The following OTUD7A variants were observed in gnomAD, a reference collection of about 807,000 sequenced individuals.
OTUD7A encodes OTU domain-containing protein 7A.
OTUD7A carries 12 observed loss-of-function variants against 65.7 expected under a neutral mutation model. The observed-to-expected ratio is 0.18, with a 90% CI of 0.12 to 0.30. OTUD7A has a LOEUF of 0.30. Ranked by LOEUF, OTUD7A falls within the 10% of genes least tolerant of loss-of-function variation. The probability of loss-of-function intolerance (pLI) is 1.00; values close to 1 mark genes in which losing one functional copy is unlikely to be tolerated. For missense variants in OTUD7A, 1,148 were observed against 1,304.8 expected (o/e 0.88, Z 1.85); for synonymous variants, 641 against 586.3 (o/e 1.09, Z -1.35).
chr15:31,667,160 T>C (rs1222856059), intron 1 of OTUD7A, among the ~76,000 whole-genome samples: 3 of 152,224 alleles, frequency 2.0e-5, no homozygotes, highest in Middle Eastern at 3.2e-3. Flanking sequence ...TTCCAAGGTA[T>C]AGTTTAAATC....
intron 1 of OTUD7A, among the ~76,000 whole-genome samples, chr15:31,748,460 A>G (rs1241166749): frequency 3.3e-5 from 5 of 151,514 alleles, no homozygotes; most frequent in African/African-American, 1.2e-4. Context: ...TACCATATAT[A>G]TAAAATATAT....
At chr15:31,670,102 C>T (rs1380517464) in intron 1 of OTUD7A, among the ~76,000 whole-genome samples, 6 of 148,092 alleles carry the variant, frequency 4.1e-5, no homozygotes, top group South Asian at 2.1e-4. Flanking sequence ...TAAAAATTCA[C>T]GATGCAAGCC....
chr15:31,550,908 T>C (rs1888301830), intron 5 of OTUD7A, among the ~76,000 whole-genome samples: 1 of 152,158 alleles, frequency 6.6e-6, no homozygotes, highest in Non-Finnish European at 1.5e-5. Context: ...ACGGGAGCTA[T>C]GCACAGAGAA....
chr15:31,476,248 T>C lies in OTUD7A; in HGVS notation c.*7046A>G, dbSNP rs566884842. 1.8e-4 allele frequency: 28 copies of C among 152,366 alleles called. No homozygotes were observed. The highest frequency in any genetic ancestry group is 6.0e-4 in the African/African-American group (25 of 41,576). The allele number at this position is 152,366 out of a possible 1,614,324, so 9.4% of individuals were successfully genotyped here. A position where few individuals can be genotyped will look rare whatever the true frequency, so the allele number is the denominator to read the frequency against. On this transcript the variant is annotated 3_prime_UTR_variant, in exon 13 of 13. Coordinates refer to ENST00000307050, the MANE Select transcript of OTUD7A (RefSeq NM_001382637.1). ...CTGTCAGAGGTGGGGCTTGCCTCTG[T>C]GTGTACAGGGGCTGGAGGCCACAGC...
intron 3 of OTUD7A, among the ~76,000 whole-genome samples, chr15:31,612,549 C>T (rs1228304439): frequency 6.6e-6 from 1 of 151,942 alleles, no homozygotes; most frequent in Non-Finnish European, 1.5e-5. Context: ...TTTACAATAG[C>T]TGCAAAAAAA....
intron 3 of OTUD7A, among the ~76,000 whole-genome samples, chr15:31,572,912 T>G (rs1889095399): frequency 6.6e-6 from 1 of 151,718 alleles, no homozygotes; most frequent in African/African-American, 2.4e-5. Flanking sequence ...TCCAACATAC[T>G]CATAATTTGA....
In OTUD7A at chr15:31,667,026, T is replaced by G. The variant is rs1324165871; in HGVS notation, c.-99-9949A>C. On this transcript the variant is annotated intron_variant, in intron 1 of 12. Coordinates refer to ENST00000307050, the MANE Select transcript of OTUD7A (RefSeq NM_001382637.1). ...TATACTTTAATTTTCTTATATTTAC[T>G]GAGGCTCATTTTGAGGCCTATCATA... Among the ~76,000 whole-genome samples, 9 of 152,302 alleles carry G rather than the reference T, an allele frequency of 5.9e-5. 1 individual carries two copies. The highest frequency in any genetic ancestry group is 8.8e-5 in the Non-Finnish European group (6 of 68,006).
intron 1 of OTUD7A, among the ~76,000 whole-genome samples, chr15:31,718,832 T>C (rs1236007156): frequency 6.6e-6 from 1 of 150,986 alleles, no homozygotes; most frequent in East Asian, 1.9e-4. Flanking sequence ...TTCACATTTC[T>C]TTATTATCCT....
chr15:31,558,948 C>A (rs1180594177), intron 5 of OTUD7A, 21 bp downstream of exon 5: 8 of 1,612,908 alleles, frequency 5.0e-6, no homozygotes, highest in Non-Finnish European at 6.8e-6. Flanking sequence ...GAGGGTGGGC[C>A]TGCTGGCAGG....
At chr15:31,772,737 T>C (rs1421822800) in intron 1 of OTUD7A, among the ~76,000 whole-genome samples, 1 of 152,216 alleles carries the variant, frequency 6.6e-6, no homozygotes, top group African/African-American at 2.4e-5. Context: ...GAAAAATATA[T>C]TCCTTTTATG....
chr15:31,637,250 G>C (rs1466722115), intron 3 of OTUD7A, among the ~76,000 whole-genome samples: 1 of 152,224 alleles, frequency 6.6e-6, no homozygotes, highest in Non-Finnish European at 1.5e-5. Context: ...TTATCATTCT[G>C]AAAGTTCTAG....
chr15:31,786,134 C>T (rs1403336338), intron 1 of OTUD7A, among the ~76,000 whole-genome samples: 1 of 152,072 alleles, frequency 6.6e-6, no homozygotes, highest in Non-Finnish European at 1.5e-5. Flanking sequence ...TCTGCAGAGT[C>T]CCCACCAGCA....
intron 5 of OTUD7A, among the ~76,000 whole-genome samples, chr15:31,538,339 T>C (rs994199151): frequency 1.3e-5 from 2 of 152,168 alleles, no homozygotes; most frequent in African/African-American, 4.8e-5. Context: ...AACATCCCTG[T>C]TTTCAGACTC....
In OTUD7A at chr15:31,768,023, T is replaced by C. The variant is rs1273187759; in HGVS notation, c.-100+102484A>G. The C allele has an allele frequency of 2.5e-6, 4 of 1,599,714 alleles. No homozygotes were observed. In the Admixed American group the frequency reaches 5.0e-5, roughly 20 times the overall value. On this transcript the variant is annotated intron_variant, in intron 1 of 12. Coordinates refer to ENST00000307050, the MANE Select transcript of OTUD7A (RefSeq NM_001382637.1). ...TGTAACTTCAGGACCAAAATTGCTA[T>C]TATTTCTTAATAGGTCATAAAGCCA...
Position 31,700,064 on chromosome 15 carries a change from T to C in OTUD7A, c.-99-42987A>G, listed in dbSNP as rs1476341550. On this transcript the variant is annotated intron_variant, in intron 1 of 12. Transcript: ENST00000307050. The stretch of plus-strand genomic sequence containing the variant: ...AACCACAGCCACAGAAGTCACCCCC[T>C]GCTAATGACGGAATCACTGACCTTC... Among the ~76,000 whole-genome samples the C allele has an allele frequency of 4.6e-5, 7 of 151,618 alleles. No homozygotes were observed. In the South Asian group the frequency reaches 1.5e-3, roughly 32 times the overall value.
intron 5 of OTUD7A, 139 bp downstream of exon 5, chr15:31,558,830 G>A (rs767250955): frequency 7.9e-5 from 69 of 878,804 alleles, no homozygotes; most frequent in Admixed American, 1.3e-4. Flanking sequence ...CAGGAGGTGC[G>A]GTGCAGCATC....
At chr15:31,868,198 T>G (rs1231298684) in intron 1 of OTUD7A, among the ~76,000 whole-genome samples, 2 of 152,216 alleles carry the variant, frequency 1.3e-5, no homozygotes, top group Non-Finnish European at 2.9e-5. Context: ...ACTCCCAAAT[T>G]TAAGCACTCT....
intron 3 of OTUD7A, among the ~76,000 whole-genome samples, chr15:31,646,586 G>A (rs1891676487): frequency 6.6e-6 from 1 of 151,452 alleles, no homozygotes; most frequent in Admixed American, 6.6e-5. Flanking sequence ...TCAGCCTCTT[G>A]AGTAGCTGGG....
At chr15:31,839,814 C>T (rs1897141986) in intron 1 of OTUD7A, among the ~76,000 whole-genome samples, 1 of 152,182 alleles carries the variant, frequency 6.6e-6, no homozygotes, top group Admixed American at 6.5e-5. Context: ...GGGATATAAA[C>T]TCTTATATCA....
Sources: allele counts gnomAD v4.1 joint callset (sites outside exome capture counted in the v4.1 genomes callset), GRCh38; gene constraint gnomAD v4.1.1; transcripts MANE v1.5; gene names NCBI Gene and HGNC (gene_info 2026-07-23, HGNC 2026-07-21).